The following RBMS3 variants were observed in gnomAD, a reference collection of about 807,000 sequenced individuals.
RBMS3 encodes the protein RNA-binding motif, single-stranded-interacting protein 3.
Under a neutral mutation model 66.8 loss-of-function variants are expected in RBMS3, and 27 were observed. That is an observed-to-expected ratio of 0.40 (90% CI 0.30 to 0.56). The LOEUF (loss-of-function observed/expected upper bound fraction) is 0.56. RBMS3 is among the 20% of genes least tolerant of loss of function. RBMS3 has a pLI of 0.40. For missense variants in RBMS3, 513 were observed against 549.5 expected (o/e 0.93, Z 0.66); for synonymous variants, 188 against 183.0 (o/e 1.03, Z -0.22).
At chr3:29,384,871 T>C (rs750122865) in intron 1 of RBMS3, among the ~76,000 whole-genome samples, 16 of 152,212 alleles carry the variant, frequency 1.1e-4, no homozygotes, top group Non-Finnish European at 2.2e-4. Flanking sequence ...CAGATTACCT[T>C]GTTCTGGTTA....
At chr3:29,803,242 C>T (rs1163721850) in intron 6 of RBMS3, among the ~76,000 whole-genome samples, 1 of 152,108 alleles carries the variant, frequency 6.6e-6, no homozygotes, top group African/African-American at 2.4e-5. Flanking sequence ...TTAGGGACTT[C>T]AAATCAGTAT....
intron 6 of RBMS3, among the ~76,000 whole-genome samples, chr3:29,848,513 T>C (rs908858865): frequency 1.1e-4 from 16 of 152,056 alleles, no homozygotes; most frequent in African/African-American, 3.6e-4. Flanking sequence ...GTCCAGGGGG[T>C]TAAACAATAA....
chr3:29,495,494 C>T (rs1323743735), intron 3 of RBMS3, among the ~76,000 whole-genome samples: 1 of 145,566 alleles, frequency 6.9e-6, no homozygotes, highest in Non-Finnish European at 1.5e-5. Context: ...GATCTTGGCT[C>T]ACTGTAACCT....
At chr3:29,348,125 C>T (rs2036687615) in intron 1 of RBMS3, among the ~76,000 whole-genome samples, 1 of 150,558 alleles carries the variant, frequency 6.6e-6, no homozygotes, top group East Asian at 2.0e-4. Context: ...GTAAACAACA[C>T]ATGAGTTTTC....
chr3:29,610,343 C>G (rs550343784), intron 4 of RBMS3, among the ~76,000 whole-genome samples: 11 of 152,140 alleles, frequency 7.2e-5, no homozygotes, highest in African/African-American at 2.6e-4. Context: ...CATGTTCTTT[C>G]TCAAGTCCAG....
intron 1 of RBMS3, among the ~76,000 whole-genome samples, chr3:29,294,270 C>CT (rs927574129): frequency 1.3e-5 from 2 of 151,856 alleles, no homozygotes; most frequent in African/African-American, 2.4e-5. Context: ...CAAAAGACAT[C>CT]TTTTTTACAT....
At chr3:29,521,453 G>A (rs1032349105) in intron 3 of RBMS3, among the ~76,000 whole-genome samples, 2 of 152,144 alleles carry the variant, frequency 1.3e-5, no homozygotes, top group African/African-American at 4.8e-5. Context: ...CAGACACATG[G>A]TAGATACTGG....
intron 4 of RBMS3, among the ~76,000 whole-genome samples, chr3:29,595,846 C>G (rs1425435516): frequency 6.6e-6 from 1 of 152,150 alleles, no homozygotes; most frequent in Admixed American, 6.6e-5. Context: ...GCCGGACAAC[C>G]ATGTGTCTCC....
chr3:29,670,485 G>C (rs748551953), intron 4 of RBMS3, among the ~76,000 whole-genome samples: 1 of 152,168 alleles, frequency 6.6e-6, no homozygotes, highest in Non-Finnish European at 1.5e-5. Context: ...AGGGGTCAGG[G>C]AATTCCCTCT....
chr3:29,515,887 C>G (rs752731351), intron 3 of RBMS3, among the ~76,000 whole-genome samples: 3 of 152,154 alleles, frequency 2.0e-5, no homozygotes, highest in Admixed American at 6.5e-5. Flanking sequence ...GTAACATGGT[C>G]GTGGGTTCTT....
At chr3:29,498,009 T>TTTTTG in intron 3 of RBMS3, among the ~76,000 whole-genome samples, 1 of 112,842 alleles carries the variant, frequency 8.9e-6, no homozygotes. Flanking sequence ...TTTTTTTTTT[T>TTTTTG]TGGGAGACAG....
At chr3:29,826,684 A>G (rs2058220545) in intron 6 of RBMS3, among the ~76,000 whole-genome samples, 2 of 152,100 alleles carry the variant, frequency 1.3e-5, no homozygotes, top group Admixed American at 1.3e-4. Context: ...TAACTTTTTC[A>G]GTTTCTTGAA....
At position 29,446,906 on chromosome 3, in the gene RBMS3, CTTTTTTTTT is replaced by C. The variant is rs11293530; in HGVS notation, c.248+12007_248+12015del. 5.8e-5 allele frequency among the ~76,000 whole-genome samples: 4 copies of C among 68,582 alleles called. No homozygotes were observed. The Admixed American group carries it at 6.7e-4, about 11-fold the overall frequency. 45.0% of individuals were successfully genotyped at this position (68,582 alleles called of 152,430 possible). On this transcript the variant is annotated intron_variant, in intron 2 of 14. Transcript: ENST00000383767. ...TTCTTCAATGCTTCCATTAAGCAGT[CTTTTTTTTT>C]TTTTTTTTTTTTTTTGGAGACAGAG...
At chr3:29,830,977 A>T (rs2149488535) in intron 6 of RBMS3, among the ~76,000 whole-genome samples, 1 of 152,268 alleles carries the variant, frequency 6.6e-6, no homozygotes, top group East Asian at 1.9e-4. Flanking sequence ...TGCTAAGTTG[A>T]TTTATACTAA....
intron 1 of RBMS3, among the ~76,000 whole-genome samples, chr3:29,312,187 G>A (rs1472239639): frequency 6.6e-6 from 1 of 151,684 alleles, no homozygotes; most frequent in Non-Finnish European, 1.5e-5. Flanking sequence ...AGAATAACAC[G>A]TCTAGTGTTA....
At chr3:29,397,523 C>T (rs2039606719) in intron 1 of RBMS3, among the ~76,000 whole-genome samples, 1 of 152,056 alleles carries the variant, frequency 6.6e-6, no homozygotes, top group Non-Finnish European at 1.5e-5. Context: ...CAATATAATA[C>T]CTATCCTTGG....
At chr3:29,756,899 C>T (rs1401332207) in intron 5 of RBMS3, among the ~76,000 whole-genome samples, 1 of 152,120 alleles carries the variant, frequency 6.6e-6, no homozygotes, top group African/African-American at 2.4e-5. Flanking sequence ...TCACTACCCT[C>T]CTGGCATATA....
At chr3:29,598,063 A>T (rs955058060) in intron 4 of RBMS3, among the ~76,000 whole-genome samples, 1 of 152,160 alleles carries the variant, frequency 6.6e-6, no homozygotes, top group Non-Finnish European at 1.5e-5. Flanking sequence ...ATCACACTCC[A>T]TGAGAAGAAT....
intron 10 of RBMS3, among the ~76,000 whole-genome samples, chr3:29,922,403 C>T (rs1476286498): frequency 6.8e-6 from 1 of 147,794 alleles, no homozygotes; most frequent in Non-Finnish European, 1.5e-5. Flanking sequence ...AGGAGAATGG[C>T]GTGAACCCGG....
Sources: allele counts gnomAD v4.1 joint callset (sites outside exome capture counted in the v4.1 genomes callset), GRCh38; gene constraint gnomAD v4.1.1; transcripts MANE v1.5; gene names NCBI Gene and HGNC (gene_info 2026-07-23, HGNC 2026-07-21).